Variants in SLC16A7 observed in about 807,000 individuals in gnomAD.
SLC16A7 encodes the protein monocarboxylate transporter 2.
In SLC16A7, 33 loss-of-function variants were observed where a neutral mutation model predicts 34.9. The observed-to-expected ratio is 0.94, with a 90% CI of 0.72 to 1.26. The LOEUF is 1.26. SLC16A7 is among the 50% of genes most tolerant of loss of function. The pLI is 0.00. For missense variants in SLC16A7, 573 were observed against 578.1 expected, an observed-to-expected ratio of 0.99 and a Z score of 0.09; for synonymous variants, 201 against 206.6, an observed-to-expected ratio of 0.97 and a Z score of 0.23.
chr12:59,625,307 A>G (rs1879878730), intron 1 of SLC16A7, among the ~76,000 whole-genome samples: 1 of 151,848 alleles, frequency 6.6e-6, no homozygotes, highest in African/African-American at 2.4e-5. Flanking sequence ...AGTGCCCAGC[A>G]CAATTCAACT....
intron 3 of SLC16A7, among the ~76,000 whole-genome samples, chr12:59,760,061 T>G (rs1880841364): frequency 1.3e-5 from 2 of 152,040 alleles, no homozygotes; most frequent in Non-Finnish European, 2.9e-5. Context: ...GATCTTAGTG[T>G]CTGAGAAATA....
chr12:59,779,734 T>C lies in SLC16A7; in HGVS notation c.*55T>C. 13 of 1,422,422 alleles carry C rather than the reference T, an allele frequency of 9.1e-6. No individual in the cohort carries two copies. The highest frequency in any genetic ancestry group is 1.1e-5 in the Non-Finnish European group (12 of 1,053,016). 88.1% of individuals were successfully genotyped at this position (1,422,422 alleles called of 1,614,324 possible). On this transcript the variant is annotated 3_prime_UTR_variant, in exon 6 of 6. Coordinates refer to ENST00000547379, the MANE Select transcript of SLC16A7 (RefSeq NM_001270623.2). ...ATGACTTTATCTAGGAGTTTGTTTT[T>C]CATTTTGTTTTTTTAAAGTATTAGA...
intron 2 of SLC16A7, among the ~76,000 whole-genome samples, chr12:59,665,809 C>CGTGTGTGTGTGTGT (rs34983187): frequency 7.0e-6 from 1 of 142,986 alleles, no homozygotes; most frequent in African/African-American, 2.5e-5. Context: ...ATATATAACA[C>CGTGTGTGTGTGTGT]GTGTGTGTGT....
chr12:59,709,152 T>C (rs1449544437), intron 3 of SLC16A7, among the ~76,000 whole-genome samples: 2 of 151,710 alleles, frequency 1.3e-5, no homozygotes, highest in East Asian at 3.8e-4. Context: ...TGGTTACCTC[T>C]ACAGTTACTG....
rs184917937 is a variant in SLC16A7 at position 59,703,100 on chromosome 12, A to G, written c.-30-1672A>G. On this transcript the variant is annotated intron_variant, in intron 2 of 5. Transcript: ENST00000547379. ...TCCCCTTATCCATTTTTGTATACCT[A>G]TAAGATTACATTATAGGTTACTTTG... Among the ~76,000 whole-genome samples, 7 of 152,220 alleles carry G rather than the reference A, an allele frequency of 4.6e-5. No individual in the cohort carries two copies. In the East Asian group the frequency reaches 1.2e-3, roughly 25 times the overall value.
At chr12:59,674,202 AT>A (rs1279438403) in intron 2 of SLC16A7, among the ~76,000 whole-genome samples, 7 of 152,350 alleles carry the variant, frequency 4.6e-5, no homozygotes, top group African/African-American at 1.4e-4. Flanking sequence ...ATTTTTAAGG[AT>A]TCAGATAATT....
chr12:59,629,059 C>T (rs139189288), intron 1 of SLC16A7, among the ~76,000 whole-genome samples: 154 of 151,890 alleles, frequency 1.0e-3, no homozygotes, highest in Non-Finnish European at 1.5e-3. Flanking sequence ...TTTGTTCTGA[C>T]GTAGAGATGG....
chr12:59,669,652 T>TCACACACACA lies in SLC16A7; in HGVS notation c.-31+14426_-31+14435dup, dbSNP rs144456899. On this transcript the variant is annotated intron_variant, in intron 2 of 5. Coordinates refer to ENST00000547379, the MANE Select transcript of SLC16A7 (RefSeq NM_001270623.2). ...CTCTTTAGCAGTTACCCATAGATAG[T>TCACACACACA]CACACACACACACACACACACACAC... 3.5e-3 allele frequency among the ~76,000 whole-genome samples: 490 copies of TCACACACACA among 139,596 alleles called. 12 individuals carry two copies. The highest frequency in any genetic ancestry group is 9.9e-3 in the African/African-American group (365 of 36,904). The allele number at this position is 139,596 out of a possible 152,430, so 91.6% of individuals were successfully genotyped here. A position where few individuals can be genotyped will look rare whatever the true frequency, so the allele number is the denominator to read the frequency against.
At chr12:59,671,307 G>T (rs1164917930) in intron 2 of SLC16A7, among the ~76,000 whole-genome samples, 2 of 152,006 alleles carry the variant, frequency 1.3e-5, no homozygotes, top group East Asian at 1.9e-4. Context: ...TAGAGCTTTA[G>T]CTCATTTATT....
intron 3 of SLC16A7, among the ~76,000 whole-genome samples, chr12:59,756,009 G>A (rs968663250): frequency 5.3e-5 from 8 of 152,302 alleles, no homozygotes; most frequent in Non-Finnish European, 1.2e-4. Flanking sequence ...AATGGGGAAA[G>A]GATTCCCTAT....
chr12:59,639,196 G>A (rs980790988), intron 1 of SLC16A7, among the ~76,000 whole-genome samples: 6 of 151,900 alleles, frequency 3.9e-5, no homozygotes, highest in South Asian at 2.1e-4. Context: ...ACAAAACAGC[G>A]CATTGTTTGG....
intron 3 of SLC16A7, among the ~76,000 whole-genome samples, chr12:59,751,420 G>A (rs1006799946): frequency 6.6e-6 from 1 of 152,224 alleles, no homozygotes; most frequent in African/African-American, 2.4e-5. Flanking sequence ...CTTTTCCGAT[G>A]AGCTTAAAAA....
chr12:59,752,001 T>C (rs1349909841), intron 3 of SLC16A7, among the ~76,000 whole-genome samples: 2 of 152,196 alleles, frequency 1.3e-5, no homozygotes, highest in Non-Finnish European at 2.9e-5. Context: ...AAACAGGGTC[T>C]GGAGTGGACC....
intron 3 of SLC16A7, among the ~76,000 whole-genome samples, chr12:59,755,817 G>C (rs561203433): frequency 6.6e-6 from 1 of 152,246 alleles, no homozygotes; most frequent in South Asian, 2.1e-4. Flanking sequence ...TAAGCCAAAA[G>C]AACAAAGCTG....
intron 1 of SLC16A7, among the ~76,000 whole-genome samples, chr12:59,613,856 A>T (rs1309239207): frequency 6.6e-6 from 1 of 152,216 alleles, no homozygotes. Flanking sequence ...AGTTATGTAA[A>T]TGAGGTATTT....
intron 1 of SLC16A7, among the ~76,000 whole-genome samples, chr12:59,624,028 A>G (rs1011520406): frequency 6.6e-6 from 1 of 151,134 alleles, no homozygotes; most frequent in Non-Finnish European, 1.5e-5. Flanking sequence ...TTGTTTTTTG[A>G]CCCTCAAGTA....
At chr12:59,671,696 G>GTGTGTATATATATATGTGTATATA (rs1259560527) in intron 2 of SLC16A7, among the ~76,000 whole-genome samples, 1 of 147,050 alleles carries the variant, frequency 6.8e-6, no homozygotes, top group African/African-American at 2.5e-5. Context: ...ATATATGTGT[G>GTGTGTATATATATATGTGTATATA]TGTGTGTATA....
chr12:59,632,752 A>T (rs1204925773), intron 1 of SLC16A7, among the ~76,000 whole-genome samples: 1 of 151,988 alleles, frequency 6.6e-6, no homozygotes, highest in East Asian at 1.9e-4. Context: ...ATAACTTAGC[A>T]TATTTTTTTA....
At position 59,780,194 on chromosome 12, in the gene SLC16A7, C is replaced by T. The variant is rs1455530505; in HGVS notation, c.*515C>T. ...TACACAGAGTATCTGGAGAATAAAACCCAAATTCAAAAAAAAAAATGATAA... is the reference window on the plus strand; with the variant it reads ...TACACAGAGTATCTGGAGAATAAAATCCAAATTCAAAAAAAAAAATGATAA... On this transcript the variant is annotated 3_prime_UTR_variant, in exon 6 of 6. Transcript: ENST00000547379. The T allele has an allele frequency of 1.3e-5, 2 of 150,746 alleles. No individual in the cohort carries two copies. The highest frequency in any genetic ancestry group is 4.9e-5 in the African/African-American group (2 of 41,000). 9.3% of individuals were successfully genotyped at this position (150,746 alleles called of 1,614,324 possible). A position where few individuals can be genotyped will look rare whatever the true frequency, so the allele number is the denominator to read the frequency against.
Sources: allele counts gnomAD v4.1 joint callset (sites outside exome capture counted in the v4.1 genomes callset), GRCh38; gene constraint gnomAD v4.1.1; transcripts MANE v1.5; gene names NCBI Gene and HGNC (gene_info 2026-07-23, HGNC 2026-07-21).